Variants in SERPINI1 observed in about 807,000 individuals in gnomAD.
The protein encoded by SERPINI1 is serpin family I member 1, also known as neuroserpin.
A neutral mutation model predicts 41.1 loss-of-function variants in SERPINI1; 19 were observed. The observed-to-expected ratio is 0.46, with a 90% CI of 0.32 to 0.68. The LOEUF (loss-of-function observed/expected upper bound fraction) is 0.68, where lower values mean the gene tolerates loss of function less well. Ranked by LOEUF, SERPINI1 falls within the 30% of genes least tolerant of loss-of-function variation. The pLI, the probability that SERPINI1 is intolerant of heterozygous loss-of-function variation, is 0.03. For synonymous variants in SERPINI1, 138 were observed against 156.6 expected, an observed-to-expected ratio of 0.88 and a Z score of 0.89; for missense variants, 460 against 479.2, an observed-to-expected ratio of 0.96 and a Z score of 0.37.
intron 5 of SERPINI1, among the ~76,000 whole-genome samples, chr3:167,800,509 C>T (rs1463163302): frequency 3.9e-5 from 6 of 152,072 alleles, no homozygotes; most frequent in Non-Finnish European, 8.8e-5. Flanking sequence ...TCAGTCTTTA[C>T]TGATATAGCT....
chr3:167,781,263 C>G (rs543604134), intron 1 of SERPINI1, among the ~76,000 whole-genome samples: 1 of 152,110 alleles, frequency 6.6e-6, no homozygotes, highest in Non-Finnish European at 1.5e-5. Context: ...ATTCCAAACT[C>G]CCAGTTTTCC....
At chr3:167,769,682 T>G (rs966251011) in intron 1 of SERPINI1, among the ~76,000 whole-genome samples, 1 of 152,180 alleles carries the variant, frequency 6.6e-6, no homozygotes, top group African/African-American at 2.4e-5. Flanking sequence ...AGAGTCATTC[T>G]CTAATATTAA....
Position 167,790,260 on chromosome 3 carries a change from C to T in SERPINI1, c.251-112C>T, listed in dbSNP as rs1577419053. 3.9e-6 allele frequency: 3 copies of T among 761,622 alleles called. No homozygotes were observed. In the East Asian group the frequency reaches 7.9e-5, roughly 20 times the overall value. The allele number at this position is 761,622 out of a possible 1,614,324, so 47.2% of individuals were successfully genotyped here. A position where few individuals can be genotyped will look rare whatever the true frequency, so the allele number is the denominator to read the frequency against. On this transcript the variant is annotated intron_variant, in intron 2 of 8. Coordinates refer to ENST00000446050, the MANE Select transcript of SERPINI1 (RefSeq NM_001122752.2). The stretch of plus-strand genomic sequence containing the variant: ...GTGGGGGAAAGCCTGGCACTTTTCC[C>T]CCAGGTGCCTGTTTGGTTAATCTCC...
At chr3:167,757,095 TTAAA>T (rs1362789969) in intron 1 of SERPINI1, among the ~76,000 whole-genome samples, 1 of 152,194 alleles carries the variant, frequency 6.6e-6, no homozygotes, top group East Asian at 1.9e-4. Context: ...ACAGCAACCT[TTAAA>T]TAATCAAGTT....
intron 1 of SERPINI1, among the ~76,000 whole-genome samples, chr3:167,763,499 C>T (rs1342964045): frequency 6.6e-6 from 1 of 151,992 alleles, no homozygotes; most frequent in Non-Finnish European, 1.5e-5. Flanking sequence ...CTCACCTCAG[C>T]CTCCCAAGTA....
intron 1 of SERPINI1, among the ~76,000 whole-genome samples, chr3:167,764,397 G>A (rs1726490832): frequency 6.6e-6 from 1 of 152,090 alleles, no homozygotes; most frequent in African/African-American, 2.4e-5. Context: ...GATGGCAGCA[G>A]GCAGAGAGAG....
At chr3:167,778,597 A>G (rs1727029844) in intron 1 of SERPINI1, among the ~76,000 whole-genome samples, 1 of 152,214 alleles carries the variant, frequency 6.6e-6, no homozygotes, top group Non-Finnish European at 1.5e-5. Context: ...AAAAGTCTGA[A>G]AAATATCTCA....
intron 1 of SERPINI1, among the ~76,000 whole-genome samples, chr3:167,778,936 A>G (rs962763924): frequency 6.6e-6 from 1 of 152,264 alleles, no homozygotes; most frequent in East Asian, 1.9e-4. Flanking sequence ...GCAAGATGAC[A>G]TCAGCTGTGT....
At chr3:167,792,005 A>T (rs564993632) in intron 3 of SERPINI1, among the ~76,000 whole-genome samples, 2 of 152,232 alleles carry the variant, frequency 1.3e-5, no homozygotes, top group East Asian at 3.9e-4. Context: ...CACACCTGTA[A>T]TCCCAGCTGT....
intron 1 of SERPINI1, among the ~76,000 whole-genome samples, chr3:167,774,915 G>A (rs551362959): frequency 6.6e-6 from 1 of 152,194 alleles, no homozygotes; most frequent in South Asian, 2.1e-4. Flanking sequence ...ACATTGTAGT[G>A]GAGAGAGACA....
rs375638588 is a variant in SERPINI1, at chr3:167,820,250, G to A, written c.980-2736G>A. Reference sequence around the variant, plus strand: ...CTGGAGTGGCCGCTCCCATGACCCCGGCTACAGCAAGGGAGGGAGGAGCAG... The same window carrying A: ...CTGGAGTGGCCGCTCCCATGACCCCAGCTACAGCAAGGGAGGGAGGAGCAG... On this transcript the variant is annotated intron_variant, in intron 6 of 8. Transcript: ENST00000446050. 2.7e-3 allele frequency among the ~76,000 whole-genome samples: 411 copies of A among 152,290 alleles called. 8 individuals carry two copies. The South Asian group carries it at 0.056, about 21-fold the overall frequency.
intron 7 of SERPINI1, among the ~76,000 whole-genome samples, chr3:167,823,819 A>T (rs1021742304): frequency 6.6e-6 from 1 of 152,204 alleles, no homozygotes; most frequent in African/African-American, 2.4e-5. Context: ...AGGCATCAAG[A>T]CAGCTTGAAA....
chr3:167,748,302 T>C (rs1421480498), intron 1 of SERPINI1, among the ~76,000 whole-genome samples: 3 of 152,084 alleles, frequency 2.0e-5, no homozygotes, highest in Non-Finnish European at 4.4e-5. Flanking sequence ...AAGCAATAAA[T>C]AGACAAAAAT....
chr3:167,824,628 AT>A (rs1360365705), intron 8 of SERPINI1, 66 bp downstream of exon 8: 4 of 1,035,156 alleles, frequency 3.9e-6, no homozygotes, highest in Admixed American at 1.8e-5. Flanking sequence ...TTAAATGGAG[AT>A]TTTTTTCCTC....
At chr3:167,780,948 T>G (rs1236111487) in intron 1 of SERPINI1, among the ~76,000 whole-genome samples, 2 of 152,150 alleles carry the variant, frequency 1.3e-5, no homozygotes, top group African/African-American at 4.8e-5. Flanking sequence ...CTCTAACACA[T>G]AATTGTCTGT....
At chr3:167,767,028 A>G (rs914549059) in intron 1 of SERPINI1, among the ~76,000 whole-genome samples, 2 of 152,220 alleles carry the variant, frequency 1.3e-5, no homozygotes, top group East Asian at 3.8e-4. Flanking sequence ...CTGTCGATGA[A>G]ACACCCTTAT....
chr3:167,810,011 A>G (rs1711810826), intron 6 of SERPINI1, among the ~76,000 whole-genome samples: 2 of 152,146 alleles, frequency 1.3e-5, no homozygotes, highest in African/African-American at 4.8e-5. Context: ...AAGCAGCTCC[A>G]GTATGCCATC....
intron 1 of SERPINI1, among the ~76,000 whole-genome samples, chr3:167,787,793 A>AG (rs1417736932): frequency 6.6e-6 from 1 of 152,212 alleles, no homozygotes; most frequent in Non-Finnish European, 1.5e-5. Context: ...AGACAAAAAA[A>AG]CTGTTGCTTC....
chr3:167,765,680 C>A (rs1195563775), intron 1 of SERPINI1, among the ~76,000 whole-genome samples: 2 of 152,204 alleles, frequency 1.3e-5, no homozygotes, highest in Non-Finnish European at 2.9e-5. Flanking sequence ...ATAGAATTTT[C>A]TTTTCTATAG....
Sources: gnomAD v4.1 joint callset for allele counts (sites outside exome capture counted in the v4.1 genomes callset) on GRCh38, gnomAD v4.1.1 for gene constraint, MANE v1.5 for transcripts, NCBI Gene and HGNC (gene_info 2026-07-23, HGNC 2026-07-21) for gene names.